TRMT9B: variants seen among roughly 807,000 people sequenced by gnomAD.
The protein encoded by TRMT9B is tRNA methyltransferase 9B (putative).
TRMT9B carries 16 observed loss-of-function variants against 11.5 expected under a neutral mutation model. The ratio of observed to expected loss-of-function variants is 1.39; its 90% CI spans 0.94 to 2.11. The LOEUF is 2.11. TRMT9B is among the 30% of genes most tolerant of loss of function. The pLI is 0.00. For synonymous variants in TRMT9B, 274 were observed against 192.4 expected, an observed-to-expected ratio of 1.42 and a Z score of -3.51; for missense variants, 941 against 553.8, an observed-to-expected ratio of 1.70 and a Z score of -7.02.
At chr8:13,007,646 T>C (rs986168143) in intron 3 of TRMT9B, 3 of 152,142 alleles carry the variant, frequency 2.0e-5, no homozygotes, top group African/African-American at 7.2e-5. Flanking sequence ...AATTAAAAAA[T>C]AATAAATCTA....
rs1563458591 is a variant in TRMT9B, at chr8:13,021,508, TG to T, written c.832del (p.Ala278ProfsTer5). 6 of 1,613,658 alleles carry T rather than the reference TG, an allele frequency of 3.7e-6. No homozygotes were observed. The highest frequency in any genetic ancestry group is 5.1e-6 in the Non-Finnish European group (6 of 1,179,636). On this transcript the variant is annotated frameshift_variant, in exon 5 of 5. Transcript: ENST00000524591. LOFTEE classifies it low-confidence loss of function (END_TRUNC). ...AAGACCCTTGAAAAACACAGAAGTTTGGGCCAGTAGCACTGTAACAGTCCAG... is the reference window on the plus strand; with the variant it reads ...AAGACCCTTGAAAAACACAGAAGTTTGGCCAGTAGCACTGTAACAGTCCAG... ...RVRPLKNTEV[W>X]ASSTVTVQPS...
chr8:12,976,086 A>C (rs36073530), intron 1 of TRMT9B, among the ~76,000 whole-genome samples: 7,501 of 152,284 alleles, frequency 0.049, 226 homozygotes, highest in South Asian at 0.097. Context: ...TGGAAAATAA[A>C]TGTGCCCCAG....
chr8:12,956,248 C>A (rs1018887889), intron 1 of TRMT9B, among the ~76,000 whole-genome samples: 5 of 152,058 alleles, frequency 3.3e-5, no homozygotes, highest in African/African-American at 1.2e-4. Context: ...TAACACATAT[C>A]TAAAATATAT....
Position 13,021,458 on chromosome 8 carries a change from C to G in TRMT9B, c.779C>G (p.Thr260Ser). 6.2e-7 allele frequency: 1 copy of G among 1,614,014 alleles called. No homozygotes were observed. The highest frequency in any genetic ancestry group is 8.5e-7 in the Non-Finnish European group (1 of 1,179,888). Reference protein sequence around the residue: ...WFFSRSLDESTLRKQIERVRP... With the variant: ...WFFSRSLDESSLRKQIERVRP... ...TTCTCCAGATCTTTGGATGAATCGA[C>G]TCTGAGGAAGCAAATTGAAAGAGTA... The change falls in exon 5 of 5, where the codon ACT becomes AGT. Residue 260 changes from threonine (T) to serine (S), a missense_variant. Coordinates refer to ENST00000524591, the MANE Select transcript of TRMT9B (RefSeq NM_020844.3).
chr8:13,012,625 A>T lies in TRMT9B; in HGVS notation c.155-59A>T, dbSNP rs1003027711. 1.1e-5 allele frequency: 16 copies of T among 1,518,028 alleles called. No homozygotes were observed. The African/African-American group carries it at 2.2e-4, about 21-fold the overall frequency. The allele number at this position is 1,518,028 out of a possible 1,614,324, so 94.0% of individuals were successfully genotyped here. A position where few individuals can be genotyped will look rare whatever the true frequency, so the allele number is the denominator to read the frequency against. The stretch of plus-strand genomic sequence containing the variant: ...AATTATATTTCTTGTTATGAGACAA[A>T]TGAAGTATTTCACATTTTCCATTGA... On this transcript the variant is annotated intron_variant, in intron 3 of 4. Transcript: ENST00000524591.
In TRMT9B at chr8:13,028,574, C is replaced by CTTTTCTTTTCTT. The variant is rs1186310164; in HGVS notation, c.*6534_*6535insCTTTTCTTTTTT. The CTTTTCTTTTCTT allele has an allele frequency of 0.045, 3,463 of 76,180 alleles. 136 individuals are homozygous for CTTTTCTTTTCTT. The highest frequency in any genetic ancestry group is 0.052 in the Non-Finnish European group (1,845 of 35,700). The allele number at this position is 76,180 out of a possible 1,614,324, so 4.7% of individuals were successfully genotyped here. A position where few individuals can be genotyped will look rare whatever the true frequency, so the allele number is the denominator to read the frequency against. On this transcript the variant is annotated 3_prime_UTR_variant, in exon 5 of 5. Transcript: ENST00000524591. ...GATAAGCACTTTTCTCTTTTCTTTT[C>CTTTTCTTTTCTT]TTTTTTTTTTTTTTTTTTTGAGACA...
At chr8:12,975,270 T>C (rs1381358319) in intron 1 of TRMT9B, among the ~76,000 whole-genome samples, 1 of 152,076 alleles carries the variant, frequency 6.6e-6, no homozygotes, top group African/African-American at 2.4e-5. Flanking sequence ...TATAAGCCCA[T>C]GGGAATCAAA....
chr8:12,995,409 C>T (rs1423579801), intron 2 of TRMT9B, among the ~76,000 whole-genome samples: 1 of 152,066 alleles, frequency 6.6e-6, no homozygotes, highest in Non-Finnish European at 1.5e-5. Flanking sequence ...TTTACCTTTT[C>T]TTCTCTCTGT....
intron 1 of TRMT9B, among the ~76,000 whole-genome samples, chr8:12,979,397 A>T (rs1804991775): frequency 6.6e-6 from 1 of 152,208 alleles, no homozygotes; most frequent in Non-Finnish European, 1.5e-5. Flanking sequence ...TGTCGAGTTA[A>T]GAATTAAATG....
intron 4 of TRMT9B, among the ~76,000 whole-genome samples, chr8:13,014,985 G>T (rs2128896680): frequency 6.6e-6 from 1 of 152,018 alleles, no homozygotes; most frequent in East Asian, 1.9e-4. Flanking sequence ...CTTGAACCCA[G>T]AAGGAAGAGG....
intron 4 of TRMT9B, among the ~76,000 whole-genome samples, chr8:13,020,209 C>G (rs1047740839): frequency 1.3e-5 from 2 of 152,196 alleles, no homozygotes; most frequent in Admixed American, 6.5e-5. Context: ...TTAATTTCCT[C>G]ACTGATATAT....
chr8:12,967,492 G>T (rs1329819899), intron 1 of TRMT9B, among the ~76,000 whole-genome samples: 1 of 152,194 alleles, frequency 6.6e-6, no homozygotes, highest in Non-Finnish European at 1.5e-5. Flanking sequence ...TTGGGTTAAA[G>T]TTGACATTAA....
At chr8:12,960,248 A>T (rs1015159401) in intron 1 of TRMT9B, 2 of 152,248 alleles carry the variant, frequency 1.3e-5, no homozygotes, top group African/African-American at 4.8e-5. Context: ...TTTTAGTGGC[A>T]GCCTTAAGGG....
At chr8:13,010,156 T>C (rs1287243828) in intron 3 of TRMT9B, 1 of 692,722 alleles carries the variant, frequency 1.4e-6, no homozygotes, top group Admixed American at 6.3e-5. Flanking sequence ...AAAAAAAGTC[T>C]CACAAATAAT....
At chr8:13,016,843 C>A (rs1176349883) in intron 4 of TRMT9B, among the ~76,000 whole-genome samples, 1 of 148,768 alleles carries the variant, frequency 6.7e-6, no homozygotes, top group Non-Finnish European at 1.5e-5. Flanking sequence ...CGTGTAATAT[C>A]ATCTAGTATG....
intron 2 of TRMT9B, among the ~76,000 whole-genome samples, chr8:13,003,371 G>A (rs73204369): frequency 0.025 from 3,791 of 152,232 alleles, 57 homozygotes; most frequent in Non-Finnish European, 0.031. Flanking sequence ...CCCAAAACGG[G>A]ACCTGCTCTT....
intron 1 of TRMT9B, among the ~76,000 whole-genome samples, chr8:12,980,500 AG>A (rs954003912): frequency 1.3e-5 from 2 of 152,214 alleles, no homozygotes; most frequent in African/African-American, 4.8e-5. Flanking sequence ...GAGTGGGCAA[AG>A]CTCCCTGCTC....
At chr8:12,974,268 G>T (rs552373493) in intron 1 of TRMT9B, among the ~76,000 whole-genome samples, 1 of 152,060 alleles carries the variant, frequency 6.6e-6, no homozygotes, top group African/African-American at 2.4e-5. Context: ...TACTGAGTTG[G>T]GAGTGAAGGA....
intron 1 of TRMT9B, among the ~76,000 whole-genome samples, chr8:12,981,050 T>C (rs1451042241): frequency 2.0e-5 from 3 of 152,218 alleles, no homozygotes; most frequent in Non-Finnish European, 4.4e-5. Context: ...ACTATGCGGA[T>C]TCCTTTTCTG....
Sources: gnomAD v4.1 joint callset for allele counts (sites outside exome capture counted in the v4.1 genomes callset) on GRCh38, gnomAD v4.1.1 for gene constraint, MANE v1.5 for transcripts, NCBI Gene and HGNC (gene_info 2026-07-23, HGNC 2026-07-21) for gene names.